The following TAB2 variants were observed in gnomAD, a reference collection of about 807,000 sequenced individuals.
The protein encoded by TAB2 is TGF-beta-activated kinase 1 and MAP3K7-binding protein 2.
Under a neutral mutation model 65.0 loss-of-function variants are expected in TAB2, and 3 were observed. The ratio of observed to expected loss-of-function variants is 0.05; its 90% CI spans 0.02 to 0.12. TAB2 has a LOEUF of 0.12. Ranked by LOEUF, TAB2 falls within the 10% of genes least tolerant of loss-of-function variation. The pLI is 1.00. For missense variants in TAB2, 623 were observed against 840.3 expected (o/e 0.74, Z 3.20); for synonymous variants, 298 against 285.1 (o/e 1.05, Z -0.46).
chr6:149,247,376 A>C (rs1274765236), intron 1 of TAB2: 1 of 152,236 alleles, frequency 6.6e-6, no homozygotes, highest in Non-Finnish European at 1.5e-5. Flanking sequence ...GTAGACACCA[A>C]TCATGTCCCC....
At chr6:149,275,343 A>T (rs1778451330) in intron 1 of TAB2, among the ~76,000 whole-genome samples, 1 of 152,084 alleles carries the variant, frequency 6.6e-6, no homozygotes, top group Non-Finnish European at 1.5e-5. Context: ...GGGGTATTTC[A>T]AAGGGACACA....
At position 149,400,355 on chromosome 6, in the gene TAB2, T is replaced by C. The variant is rs557792484; in HGVS notation, c.1939+1171T>C. 142 of 1,603,948 alleles carry C rather than the reference T, an allele frequency of 8.9e-5. No individual in the cohort carries two copies. In the Middle Eastern group the frequency reaches 1.3e-3, roughly 14 times the overall value. ...GTTAGGTGCGGACCCGCCACCTCTT[T>C]TGTGAAGCAGCAGCTGAGGAGACTC... On this transcript the variant is annotated intron_variant, in intron 6 of 6. Transcript: ENST00000637181.
chr6:149,334,102 C>T (rs1357796664), intron 1 of TAB2, among the ~76,000 whole-genome samples: 1 of 152,134 alleles, frequency 6.6e-6, no homozygotes, highest in Admixed American at 6.6e-5. Context: ...AAATAATAAA[C>T]TTTAAACTTT....
chr6:149,369,540 A>G (rs1344712791), intron 1 of TAB2, among the ~76,000 whole-genome samples: 3 of 152,192 alleles, frequency 2.0e-5, no homozygotes, highest in Admixed American at 2.0e-4. Flanking sequence ...TCAGTATCCA[A>G]ACTTTAAGAA....
intron 1 of TAB2, among the ~76,000 whole-genome samples, chr6:149,324,783 G>T (rs896470106): frequency 2.6e-5 from 4 of 151,954 alleles, no homozygotes; most frequent in Non-Finnish European, 4.4e-5. Flanking sequence ...GGGCCATAGG[G>T]GTAGAAGAGA....
At chr6:149,284,034 C>G (rs1349741536) in intron 1 of TAB2, among the ~76,000 whole-genome samples, 1 of 152,092 alleles carries the variant, frequency 6.6e-6, no homozygotes, top group East Asian at 1.9e-4. Flanking sequence ...ACTCCTTTGC[C>G]AGAGCATATA....
intron 1 of TAB2, among the ~76,000 whole-genome samples, chr6:149,320,800 T>C (rs1696042386): frequency 6.6e-6 from 1 of 152,216 alleles, no homozygotes; most frequent in Non-Finnish European, 1.5e-5. Context: ...ATAAAGTTCA[T>C]AAATTAAACT....
intron 1 of TAB2, among the ~76,000 whole-genome samples, chr6:149,350,282 T>C (rs1780447845): frequency 6.6e-6 from 1 of 152,062 alleles, no homozygotes; most frequent in African/African-American, 2.4e-5. Flanking sequence ...AGGGCTTGTT[T>C]TTAAGAGGTA....
intron 1 of TAB2, among the ~76,000 whole-genome samples, chr6:149,259,112 C>G (rs1240548866): frequency 6.6e-6 from 1 of 152,210 alleles, no homozygotes; most frequent in East Asian, 1.9e-4. Context: ...AGACTTCTGA[C>G]TTCCAGAACT....
intron 1 of TAB2, among the ~76,000 whole-genome samples, chr6:149,267,734 G>A (rs1778289497): frequency 6.6e-6 from 1 of 151,942 alleles, no homozygotes; most frequent in South Asian, 2.1e-4. Context: ...ACACACCCAG[G>A]CTATATCGTA....
chr6:149,314,865 CTTTT>C (rs57785399), upstream of TAB2, among the ~76,000 whole-genome samples: 1 of 143,338 alleles, frequency 7.0e-6, no homozygotes, highest in Non-Finnish European at 1.5e-5. Context: ...GGAACTATAT[CTTTT>C]TTTTTTTTTT....
At chr6:149,300,089 G>A (rs969282724) in intron 1 of TAB2, among the ~76,000 whole-genome samples, 1 of 152,070 alleles carries the variant, frequency 6.6e-6, no homozygotes, top group Admixed American at 6.5e-5. Flanking sequence ...TATTTTTGAA[G>A]AATTTTTGTC....
At chr6:149,297,771 G>A (rs942278123) in intron 1 of TAB2, among the ~76,000 whole-genome samples, 2 of 152,024 alleles carry the variant, frequency 1.3e-5, no homozygotes, top group Non-Finnish European at 2.9e-5. Context: ...GGCCTCAAGT[G>A]GTCCTCCCAC....
chr6:149,359,680 C>T (rs58467138), intron 1 of TAB2, among the ~76,000 whole-genome samples: 3,353 of 152,310 alleles, frequency 0.022, 119 homozygotes, highest in African/African-American at 0.077. Context: ...TCCTTCCAAA[C>T]TCTTCTCCCC....
At chr6:149,397,321 A>T (rs1282911207) in intron 3 of TAB2, among the ~76,000 whole-genome samples, 4 of 151,998 alleles carry the variant, frequency 2.6e-5, no homozygotes, top group Non-Finnish European at 5.9e-5. Context: ...GTTGCCCATA[A>T]TCCCAGCTAC....
Position 149,398,062 on chromosome 6 carries a change from GGTAA to G in TAB2, c.1858+1_1858+4del. On this transcript the variant is annotated splice_donor_variant and splice_donor_region_variant and intron_variant, in intron 5 of 6. Transcript: ENST00000637181. LOFTEE classifies it high-confidence loss of function. Reference sequence around the variant, plus strand: ...AGAAATTGATCTTTTTCAAGCCCGAGGTAAAGTTCAGTGTATTTGTAGCTGAAAT... The same window carrying G: ...AGAAATTGATCTTTTTCAAGCCCGAGAGTTCAGTGTATTTGTAGCTGAAAT... 6.2e-7 allele frequency: 1 copy of G among 1,613,002 alleles called. No individual in the cohort carries two copies. Among genetic ancestry groups the G allele is most frequent in the Non-Finnish European group, 8.5e-7 (1 of 1,179,362 alleles).
chr6:149,254,112 A>C (rs893401450), intron 1 of TAB2, among the ~76,000 whole-genome samples: 7 of 132,832 alleles, frequency 5.3e-5, no homozygotes, highest in Non-Finnish European at 1.0e-4. Flanking sequence ...GAAGGAAGGA[A>C]GGACAGGGAA....
chr6:149,250,857 C>T (rs549048318), intron 1 of TAB2, among the ~76,000 whole-genome samples: 1 of 152,300 alleles, frequency 6.6e-6, no homozygotes, highest in South Asian at 2.1e-4. Flanking sequence ...AATCACTTCA[C>T]TTGTTTAACA....
Position 149,411,599 on chromosome 6 carries a change from A to G in TAB2, c.*1880A>G, listed in dbSNP as rs1782865747. On this transcript the variant is annotated 3_prime_UTR_variant, in exon 7 of 7. Transcript: ENST00000637181. ...GTTATTTATAAAAATTAAAAAACTT[A>G]TATTCTAATGTGGATTTTGTGACTT... 3 of 153,650 alleles carry G rather than the reference A, an allele frequency of 2.0e-5. No individual in the cohort carries two copies. The Admixed American group carries it at 2.0e-4, about 10-fold the overall frequency. 9.5% of individuals were successfully genotyped at this position (153,650 alleles called of 1,614,324 possible). A position where few individuals can be genotyped will look rare whatever the true frequency, so the allele number is the denominator to read the frequency against.
Sources: gnomAD v4.1 joint callset for allele counts (sites outside exome capture counted in the v4.1 genomes callset) on GRCh38, gnomAD v4.1.1 for gene constraint, MANE v1.5 for transcripts, NCBI Gene and HGNC (gene_info 2026-07-23, HGNC 2026-07-21) for gene names.